Variants in GALNT17 observed in about 807,000 individuals in gnomAD.
GALNT17 encodes the protein UDP-GalNAc:polypeptide N-acetylgalactosaminyltransferase-like 3.
In GALNT17, 29 loss-of-function variants were observed where a neutral mutation model predicts 63.7. That is an observed-to-expected ratio of 0.46 (90% confidence interval 0.34 to 0.62). The LOEUF is 0.62. Ranked by LOEUF, GALNT17 falls within the 20% of genes least tolerant of loss-of-function variation. GALNT17 has a pLI of 0.01. For synonymous variants in GALNT17, 305 were observed against 318.3 expected (o/e 0.96, Z 0.45); for missense variants, 603 against 799.6 (o/e 0.75, Z 2.97).
chr7:71,147,573 C>CT (rs986559006), intron 1 of GALNT17, among the ~76,000 whole-genome samples: 3 of 152,170 alleles, frequency 2.0e-5, no homozygotes, highest in Admixed American at 2.0e-4. Context: ...CAGATTGACA[C>CT]TCAGTATTAA....
chr7:71,263,860 C>A (rs1452735913), intron 1 of GALNT17, among the ~76,000 whole-genome samples: 2 of 151,206 alleles, frequency 1.3e-5, no homozygotes, highest in Non-Finnish European at 3.0e-5. Context: ...GGAGGCGGAG[C>A]TTGCAGTGAG....
chr7:71,633,707 T>C (rs1486864665), intron 6 of GALNT17, among the ~76,000 whole-genome samples: 1 of 152,196 alleles, frequency 6.6e-6, no homozygotes, highest in Non-Finnish European at 1.5e-5. Flanking sequence ...TGCTCATTCC[T>C]TGCTTCCTTG....
intron 1 of GALNT17, among the ~76,000 whole-genome samples, chr7:71,145,999 C>T (rs77108921): frequency 0.027 from 4,074 of 152,242 alleles, 123 homozygotes; most frequent in African/African-American, 0.082. Context: ...AGCCACCGTA[C>T]GGGGCCCGTA....
chr7:71,508,736 T>C (rs1227222381), intron 5 of GALNT17, among the ~76,000 whole-genome samples: 2 of 151,984 alleles, frequency 1.3e-5, no homozygotes, highest in African/African-American at 4.8e-5. Context: ...CGTTTTACTA[T>C]CTCCCTGCTT....
intron 5 of GALNT17, among the ~76,000 whole-genome samples, chr7:71,465,321 C>T (rs576259656): frequency 1.2e-4 from 18 of 152,148 alleles, no homozygotes; most frequent in Non-Finnish European, 1.9e-4. Flanking sequence ...GCTCAGCCTA[C>T]GTGCAGAGAT....
At chr7:71,504,451 G>C (rs1373679922) in intron 5 of GALNT17, among the ~76,000 whole-genome samples, 36 of 152,086 alleles carry the variant, frequency 2.4e-4, no homozygotes, top group Admixed American at 2.4e-3. Context: ...ACAGCAGACA[G>C]TGAATTAGAC....
rs1563001256 is a variant in GALNT17 at position 71,321,926 on chromosome 7, T to TTCCTTC, written c.239-13624_239-13623insTCCTTC. Among the ~76,000 whole-genome samples, 212 of 39,670 alleles carry TTCCTTC rather than the reference T, an allele frequency of 5.3e-3. 9 individuals carry two copies. Among genetic ancestry groups the TTCCTTC allele is most frequent in the African/African-American group, 0.021 (193 of 9,206 alleles). 26.0% of individuals were successfully genotyped at this position (39,670 alleles called of 152,430 possible). A position where few individuals can be genotyped will look rare whatever the true frequency, so the allele number is the denominator to read the frequency against. ...TCCTTCCTTCCTTCCTTCCTTCCCC[T>TTCCTTC]CCCTCCCTCCCTCCCTCCCTTCCTT... On this transcript the variant is annotated intron_variant, in intron 1 of 10. Coordinates refer to ENST00000333538, the MANE Select transcript of GALNT17 (RefSeq NM_022479.3).
chr7:71,137,256 C>A (rs984786286), intron 1 of GALNT17, among the ~76,000 whole-genome samples: 2 of 151,926 alleles, frequency 1.3e-5, no homozygotes, highest in African/African-American at 4.8e-5. Context: ...TCTCCTGCCT[C>A]AGCCTCCCGA....
intron 5 of GALNT17, among the ~76,000 whole-genome samples, chr7:71,490,120 G>T (rs117036967): frequency 1.3e-5 from 2 of 152,002 alleles, no homozygotes; most frequent in Non-Finnish European, 2.9e-5. Context: ...TTAGCTGGGC[G>T]TGGTGGCGGC....
intron 5 of GALNT17, among the ~76,000 whole-genome samples, chr7:71,425,884 A>T (rs1057427692): frequency 1.3e-5 from 2 of 152,162 alleles, no homozygotes; most frequent in Non-Finnish European, 2.9e-5. Flanking sequence ...GCTGTACTGG[A>T]AGCATGGAGG....
At chr7:71,215,516 A>C (rs555823217) in intron 1 of GALNT17, among the ~76,000 whole-genome samples, 26 of 152,184 alleles carry the variant, frequency 1.7e-4, no homozygotes, top group African/African-American at 5.1e-4. Context: ...TTCTGTCTTA[A>C]AGTAGAGAGG....
At chr7:71,673,692 G>A (rs1246384387) in intron 8 of GALNT17, among the ~76,000 whole-genome samples, 2 of 152,208 alleles carry the variant, frequency 1.3e-5, no homozygotes, top group South Asian at 4.1e-4. Context: ...TTGGCTCACT[G>A]TAGCCTTGAA....
At chr7:71,275,313 C>A (rs562209559) in intron 1 of GALNT17, among the ~76,000 whole-genome samples, 51 of 152,294 alleles carry the variant, frequency 3.3e-4, no homozygotes, top group African/African-American at 1.2e-3. Flanking sequence ...CGCCTGTAAT[C>A]TCAGCACTTC....
In GALNT17 at chr7:71,649,453, G is replaced by A. The variant is rs552545386; in HGVS notation, c.1081-15958G>A. Among the ~76,000 whole-genome samples the A allele has an allele frequency of 3.6e-4, 55 of 152,258 alleles. No homozygotes were observed. The Middle Eastern group carries it at 0.01, about 28-fold the overall frequency. ...GGAGTTTTCAGGGGGTTTTTAAGAG[G>A]ATGGGTGATTGGCTAAAGTGTGGGG... is the stretch of plus-strand genomic sequence containing the variant. On this transcript the variant is annotated intron_variant, in intron 6 of 10. Transcript: ENST00000333538.
chr7:71,499,692 T>C (rs1015126966), intron 5 of GALNT17, among the ~76,000 whole-genome samples: 1 of 152,352 alleles, frequency 6.6e-6, no homozygotes, highest in Non-Finnish European at 1.5e-5. Context: ...TCTCTTCATC[T>C]ATACAGATTT....
In GALNT17 at chr7:71,559,816, C is replaced by T. The variant is rs1789222801; in HGVS notation, c.963-11469C>T. ...TCGAGGCTGCAGTGAGCCGAGATTGCACTACTGCACTCCAGCTTGGAGTGC... is the reference window on the plus strand; with the variant it reads ...TCGAGGCTGCAGTGAGCCGAGATTGTACTACTGCACTCCAGCTTGGAGTGC... On this transcript the variant is annotated intron_variant, in intron 5 of 10. Transcript: ENST00000333538. Among the ~76,000 whole-genome samples the T allele has an allele frequency of 5.3e-5, 8 of 151,608 alleles. 1 individual carries two copies. The South Asian group carries it at 1.7e-3, about 32-fold the overall frequency.
intron 3 of GALNT17, among the ~76,000 whole-genome samples, chr7:71,404,740 T>C (rs182095178): frequency 6.6e-6 from 1 of 152,170 alleles, no homozygotes; most frequent in Admixed American, 6.5e-5. Context: ...CAGAGCTTCA[T>C]TGTATTGTTT....
At chr7:71,248,884 C>T (rs16869397) in intron 1 of GALNT17, among the ~76,000 whole-genome samples, 19,073 of 152,106 alleles carry the variant, frequency 0.13, 1,481 homozygotes, top group African/African-American at 0.22. Flanking sequence ...CTACTTTTAC[C>T]GTAAAGGTGA....
At chr7:71,358,874 A>C (rs938642318) in intron 2 of GALNT17, among the ~76,000 whole-genome samples, 7 of 151,762 alleles carry the variant, frequency 4.6e-5, no homozygotes, top group African/African-American at 1.7e-4. Flanking sequence ...CCTGGGTTCA[A>C]GTGATTCTCC....
Sources: gnomAD v4.1 joint callset for allele counts (sites outside exome capture counted in the v4.1 genomes callset) on GRCh38, gnomAD v4.1.1 for gene constraint, MANE v1.5 for transcripts, NCBI Gene and HGNC (gene_info 2026-07-23, HGNC 2026-07-21) for gene names.